AGO2: variants seen among roughly 807,000 people sequenced by gnomAD.
AGO2 encodes the protein protein argonaute-2.
A neutral mutation model predicts 102.3 loss-of-function variants in AGO2; 5 were observed. The observed-to-expected ratio is 0.05, with a 90% CI of 0.03 to 0.10. AGO2 has a LOEUF of 0.10. AGO2 is among the 10% of genes least tolerant of loss of function. The pLI is 1.00. For missense variants in AGO2, 541 were observed against 1,183.7 expected (o/e 0.46, Z 7.97); for synonymous variants, 449 against 473.1 (o/e 0.95, Z 0.66).
chr8:140,611,950 C>T (rs555000270), intron 1 of AGO2, among the ~76,000 whole-genome samples: 21 of 152,220 alleles, frequency 1.4e-4, no homozygotes, highest in South Asian at 2.1e-4. Context: ...TTCGACCGGG[C>T]GCGGTGGCTC....
chr8:140,554,214 A>G (rs1015894556), intron 10 of AGO2, among the ~76,000 whole-genome samples: 1 of 152,148 alleles, frequency 6.6e-6, no homozygotes, highest in East Asian at 1.9e-4. Flanking sequence ...CTCCTCCCCA[A>G]CTCATGAAGG....
At chr8:140,599,314 C>T (rs1181514667) in intron 1 of AGO2, among the ~76,000 whole-genome samples, 4 of 152,176 alleles carry the variant, frequency 2.6e-5, no homozygotes, top group Admixed American at 6.5e-5. Context: ...ATCACCGGCT[C>T]GTTTCATACA....
At position 140,619,507 on chromosome 8, in the gene AGO2, G is replaced by C. The variant is rs528796733; in HGVS notation, c.22+15978C>G. ...GAAAACAGACCTGGCGCCAGGGACC[G>C]GGCAGGCCAGAGGCTTAAGGAAGCC... On this transcript the variant is annotated intron_variant, in intron 1 of 18. Transcript: ENST00000220592. 2.8e-3 allele frequency among the ~76,000 whole-genome samples: 421 copies of C among 152,276 alleles called. 1 individual carries two copies. The highest frequency in any genetic ancestry group is 9.6e-3 in the African/African-American group (400 of 41,554).
rs139491908 is a variant in AGO2 at position 140,543,192 on chromosome 8, A to AAACAAC, written c.1839+1015_1839+1020dup. Reference sequence around the variant, plus strand: ...TAGAAACAACAAAAAAAAACCCACAAAACAACAACAACAACAAAAAAACGA... The same window carrying AAACAAC: ...TAGAAACAACAAAAAAAAACCCACAAAACAACAACAACAACAACAACAAAAAAACGA... On this transcript the variant is annotated intron_variant, in intron 14 of 18. Transcript: ENST00000220592. Among the ~76,000 whole-genome samples the AAACAAC allele has an allele frequency of 6.3e-3, 956 of 151,796 alleles. 7 individuals are homozygous for AAACAAC. The highest frequency in any genetic ancestry group is 0.024 in the Middle Eastern group (7 of 294).
intron 2 of AGO2, among the ~76,000 whole-genome samples, chr8:140,582,618 C>A (rs1305236591): frequency 6.6e-6 from 1 of 152,124 alleles, no homozygotes; most frequent in Non-Finnish European, 1.5e-5. Flanking sequence ...CCTTACCTCA[C>A]AACATACATA....
At position 140,590,234 on chromosome 8, in the gene AGO2, C is replaced by G. The variant is rs943761190; in HGVS notation, c.23-4923G>C. ...AGCTGATGCGTTCTACCCCCTCCCC[C>G]CGGTCTGACTCCCAAACTGGGGCAA... On this transcript the variant is annotated intron_variant, in intron 1 of 18. Coordinates refer to ENST00000220592, the MANE Select transcript of AGO2 (RefSeq NM_012154.5). Among the ~76,000 whole-genome samples, 6 of 152,324 alleles carry G rather than the reference C, an allele frequency of 3.9e-5. No individual in the cohort carries two copies. In the South Asian group the frequency reaches 1.2e-3, roughly 32 times the overall value.
chr8:140,583,144 G>A (rs1405534800), intron 2 of AGO2, among the ~76,000 whole-genome samples: 1 of 152,212 alleles, frequency 6.6e-6, no homozygotes, highest in Non-Finnish European at 1.5e-5. Flanking sequence ...TCCTGCCTCG[G>A]ACATCAGAAC....
At chr8:140,537,958 A>G (rs2072726023) in intron 16 of AGO2, among the ~76,000 whole-genome samples, 1 of 152,106 alleles carries the variant, frequency 6.6e-6, no homozygotes, top group African/African-American at 2.4e-5. Context: ...ACCTGGGACT[A>G]CAGGCGCCCG....
chr8:140,607,462 A>T (rs1337900050), intron 1 of AGO2, among the ~76,000 whole-genome samples: 3 of 2,478 alleles, frequency 1.2e-3, no homozygotes, highest in African/African-American at 5.6e-3. Flanking sequence ...GAAAAATTAT[A>T]TATATATATA....
At chr8:140,545,530 T>G (rs1333695070) in intron 13 of AGO2, among the ~76,000 whole-genome samples, 1 of 152,146 alleles carries the variant, frequency 6.6e-6, no homozygotes, top group East Asian at 1.9e-4. Context: ...CTGTCTCCCC[T>G]GATGCCAGCC....
At position 140,557,978 on chromosome 8, in the gene AGO2, G is replaced by T. The variant is rs75183096; in HGVS notation, c.878+507C>A. On this transcript the variant is annotated intron_variant, in intron 7 of 18. Coordinates refer to ENST00000220592, the MANE Select transcript of AGO2 (RefSeq NM_012154.5). This position sits in a 1 kb window ranked among gnomAD's most constrained non-coding sequence, Gnocchi z 5.9. The stretch of plus-strand genomic sequence containing the variant: ...ATCCATGAAATAAACGAACCCTACC[G>T]GCCTGGGAGACATTAACTGGGGCAC... Among the ~76,000 whole-genome samples, 154 of 152,322 alleles carry T rather than the reference G, an allele frequency of 1.0e-3. No individual in the cohort carries two copies. Among genetic ancestry groups the T allele is most frequent in the African/African-American group, 3.6e-3 (149 of 41,566 alleles).
intron 1 of AGO2, among the ~76,000 whole-genome samples, chr8:140,620,173 C>T (rs1034472003): frequency 3.9e-5 from 6 of 152,118 alleles, no homozygotes; most frequent in Non-Finnish European, 5.9e-5. Flanking sequence ...GCAACAGCAC[C>T]GGCCATGTGG....
chr8:140,604,351 C>T (rs185530802), intron 1 of AGO2, among the ~76,000 whole-genome samples: 5 of 152,306 alleles, frequency 3.3e-5, no homozygotes, highest in East Asian at 1.9e-4. Context: ...TTGAAATTAA[C>T]GGCTAATTAT....
chr8:140,556,422 G>A, intron 8 of AGO2, 136 bp from the exon 9 acceptor site: 1 of 1,129,924 alleles, frequency 8.9e-7, no homozygotes, highest in Non-Finnish European at 1.2e-6. Flanking sequence ...GAAGTGCTGT[G>A]CAGGTGTCTG....
chr8:140,570,021 C>CTGGGACACGATGCGAGAAGATGGACA (rs1387002513), intron 3 of AGO2, among the ~76,000 whole-genome samples: 1 of 152,252 alleles, frequency 6.6e-6, no homozygotes, highest in Non-Finnish European at 1.5e-5. Flanking sequence ...AAAGACGACA[C>CTGGGACACGATGCGAGAAGATGGACA]TGGGACACGA....
At chr8:140,542,723 C>T (rs901676414) in intron 14 of AGO2, among the ~76,000 whole-genome samples, 1 of 152,232 alleles carries the variant, frequency 6.6e-6, no homozygotes, top group African/African-American at 2.4e-5. Context: ...GCGGGCTTTC[C>T]CCAGCTGCAG....
chr8:140,582,425 G>A (rs905383557), intron 2 of AGO2, among the ~76,000 whole-genome samples: 9 of 152,138 alleles, frequency 5.9e-5, no homozygotes, highest in African/African-American at 2.2e-4. Context: ...GATCTGCAAT[G>A]CTCAACTGGT....
In AGO2 at chr8:140,557,412, A is replaced by G. The variant is rs1353156486; in HGVS notation, c.879-176T>C. Among the ~76,000 whole-genome samples, 2 of 152,206 alleles carry G rather than the reference A, an allele frequency of 1.3e-5. No homozygotes were observed. The highest frequency in any genetic ancestry group is 4.8e-5 in the African/African-American group (2 of 41,450). On this transcript the variant is annotated intron_variant, in intron 7 of 18. Transcript: ENST00000220592. This position sits in a 1 kb window ranked among gnomAD's most constrained non-coding sequence, Gnocchi z 5.9. ...TTATCTGGAATGTTTCTGAGCCCCT[A>G]AATTCTCATTTTGTTTCTGGAGTTG...
At position 140,551,413 on chromosome 8, in the gene AGO2, G is replaced by A. The variant is rs1464832846; in HGVS notation, c.1293C>T (p.Val431=). Reference sequence around the variant, plus strand: ...TGTTCCGCATGTCCCAGACGCCCTGGACAGGGGTCGCAATAGCTTTATTCT... The same window carrying A: ...TGTTCCGCATGTCCCAGACGCCCTGAACAGGGGTCGCAATAGCTTTATTCT... ...GGRNKAIATP[V]QGVWDMRNKQ... Residue 431 remains valine (V), a synonymous_variant, in exon 11 of 19, where the codon GTC becomes GTT. Transcript: ENST00000220592. 6.3e-7 allele frequency: 1 copy of A among 1,583,528 alleles called. No homozygotes were observed. Among genetic ancestry groups the A allele is most frequent in the East Asian group, 2.3e-5 (1 of 43,530 alleles).
Sources: allele counts gnomAD v4.1 joint callset (sites outside exome capture counted in the v4.1 genomes callset), GRCh38; gene constraint gnomAD v4.1.1; non-coding constraint Gnocchi (gnomAD v3.1); transcripts MANE v1.5; gene names NCBI Gene and HGNC (gene_info 2026-07-23, HGNC 2026-07-21).